Variants in CRYBG3 observed in about 807,000 individuals in gnomAD.
The protein encoded by CRYBG3 is very large A-kinase anchor protein.
CRYBG3 carries 127 observed loss-of-function variants against 244.2 expected under a neutral mutation model. That is an observed-to-expected ratio of 0.52 (90% CI 0.45 to 0.60). The LOEUF (loss-of-function observed/expected upper bound fraction) is 0.60, where lower values mean the gene tolerates loss of function less well. Among genes scored for constraint, CRYBG3 ranks in the 20% least tolerant of loss-of-function variants. The pLI is 0.00. For synonymous variants in CRYBG3, 1,132 were observed against 1,195.8 expected, an observed-to-expected ratio of 0.95 and a Z score of 1.10; for missense variants, 3,325 against 3,442.5, an observed-to-expected ratio of 0.97 and a Z score of 0.85.
At chr3:97,901,181 C>T (rs559418476) in intron 15 of CRYBG3, among the ~76,000 whole-genome samples, 2 of 152,262 alleles carry the variant, frequency 1.3e-5, no homozygotes, top group African/African-American at 2.4e-5. Context: ...ACCACATGTT[C>T]AGGGTTTTAC....
chr3:97,874,387 A>G lies in CRYBG3; in HGVS notation c.3193A>G (p.Ser1065Gly). ...TATTGATAGTGTGTCATCTTCCTCTAGTTACCCTGAAGAAGTTAGCATGAT... is the reference window on the plus strand; with the variant it reads ...TATTGATAGTGTGTCATCTTCCTCTGGTTACCCTGAAGAAGTTAGCATGAT... ...GGIDSVSSSS[S>G]YPEEVSMIVN... The change falls in exon 4 of 22, where the codon AGT (serine) becomes GGT (glycine). Residue 1065 changes from serine to glycine, a missense_variant. By Grantham distance (56) the Ser-to-Gly change is moderately conservative. Around this residue, in one of 4 missense-constraint regions of CRYBG3, gnomAD observed 1,526 missense variants for 1,443.2 expected, o/e 1.06. Transcript: ENST00000389622. 6.5e-7 allele frequency: 1 copy of G among 1,533,010 alleles called. No homozygotes were observed. The highest frequency in any genetic ancestry group is 8.7e-7 in the Non-Finnish European group (1 of 1,145,928). 95.0% of individuals were successfully genotyped at this position (1,533,010 alleles called of 1,614,324 possible).
At chr3:97,919,997 T>G (rs934421247) in intron 17 of CRYBG3, among the ~76,000 whole-genome samples, 1 of 152,086 alleles carries the variant, frequency 6.6e-6, no homozygotes, top group African/African-American at 2.4e-5. Context: ...CTCAAACTCC[T>G]GGGCTCAAGG....
chr3:97,873,042 T>C lies in CRYBG3; in HGVS notation c.1848T>C (p.Asn616=), dbSNP rs1372703444. Residue 616 remains asparagine, a synonymous_variant, in exon 4 of 22, where the codon AAT becomes AAC. Transcript: ENST00000389622. ...ENAPELKFEL[N]RSHISETPLD... is the part of the protein sequence containing the mutation. ...CACCTGAGTTGAAATTTGAACTTAA[T>C]AGAAGTCACATTTCAGAAACTCCTC... 8 of 1,535,150 alleles carry C rather than the reference T, an allele frequency of 5.2e-6. No homozygotes were observed. The African/African-American group carries it at 9.6e-5, about 18-fold the overall frequency.
At chr3:97,869,856 C>G (rs1338820522) in intron 3 of CRYBG3, among the ~76,000 whole-genome samples, 1 of 152,052 alleles carries the variant, frequency 6.6e-6, no homozygotes, top group Non-Finnish European at 1.5e-5. Flanking sequence ...ATTATTTCAG[C>G]TAAAATTTAA....
Position 97,872,576 on chromosome 3 carries a change from C to T in CRYBG3, c.1382C>T (p.Ser461Leu). 2.0e-6 allele frequency: 3 copies of T among 1,535,940 alleles called. No homozygotes were observed. The highest frequency in any genetic ancestry group is 2.6e-6 in the Non-Finnish European group (3 of 1,146,834). Residue 461 changes from serine (S) to leucine (L), a missense_variant, in exon 4 of 22, where the codon TCA becomes TTA. Transcript: ENST00000389622. ...ESTNLPSPNK[S>L]IRHEHLQLPE... ...ACAAATTTGCCAAGTCCAAATAAAT[C>T]AATTAGGCATGAACATCTGCAGTTG...
At chr3:97,859,163 G>A (rs922279567) in intron 2 of CRYBG3, among the ~76,000 whole-genome samples, 5 of 152,188 alleles carry the variant, frequency 3.3e-5, no homozygotes, top group African/African-American at 1.2e-4. Flanking sequence ...GTCAGTGACA[G>A]TAGTCACCTA....
intron 1 of CRYBG3, among the ~76,000 whole-genome samples, chr3:97,839,170 G>T (rs2038777449): frequency 6.6e-6 from 1 of 152,170 alleles, no homozygotes; most frequent in African/African-American, 2.4e-5. Context: ...GGTCCCAAAG[G>T]GGGTTAAATT....
At chr3:97,894,696 T>A (rs1263677740) in intron 11 of CRYBG3, among the ~76,000 whole-genome samples, 2 of 152,184 alleles carry the variant, frequency 1.3e-5, no homozygotes, top group Non-Finnish European at 2.9e-5. Context: ...TTATACCTTT[T>A]ATTTTTTTTC....
intron 2 of CRYBG3, among the ~76,000 whole-genome samples, chr3:97,852,659 G>T (rs2108186554): frequency 6.6e-6 from 1 of 152,264 alleles, no homozygotes; most frequent in African/African-American, 2.4e-5. Context: ...ATATCTCTTT[G>T]ACATACTGAT....
chr3:97,872,150 A>G lies in CRYBG3; in HGVS notation c.956A>G (p.Asn319Ser). The change falls in exon 4 of 22, where the codon AAT becomes AGT. Residue 319 changes from asparagine (N) to serine (S), a missense_variant. Transcript: ENST00000389622. ...TSFNKENSLT[N>S]NPELQNIASS... ...TTCAACAAGGAAAATTCTTTGACAA[A>G]TAACCCAGAACTGCAGAATATTGCC... The G allele has an allele frequency of 2.6e-6, 4 of 1,536,038 alleles. No individual in the cohort carries two copies. Among genetic ancestry groups the G allele is most frequent in the East Asian group, 2.4e-5 (1 of 40,918 alleles).
At chr3:97,828,975 G>T (rs1201422479) in intron 1 of CRYBG3, among the ~76,000 whole-genome samples, 1 of 152,096 alleles carries the variant, frequency 6.6e-6, no homozygotes, top group Non-Finnish European at 1.5e-5. Flanking sequence ...AACTTATTTT[G>T]GGGGTATGGG....
chr3:97,877,419 C>G lies in CRYBG3; in HGVS notation c.6225C>G (p.Ala2075=), dbSNP rs574636778. The change falls in exon 4 of 22, where the codon GCC becomes GCG. Residue 2075 remains alanine, a synonymous_variant. Transcript: ENST00000389622. The part of the protein sequence containing the change: ...DSSEMFLSVE[A]KRYKIYPLAL... ...CAGAAATGTTCTTATCAGTGGAGGC[C>G]AAAAGGTACAAAATTTATCCTTTAG... is the stretch of plus-strand genomic sequence containing the variant. 6.2e-6 allele frequency: 10 copies of G among 1,613,988 alleles called. No homozygotes were observed. In the East Asian group the frequency reaches 2.2e-4, roughly 36 times the overall value.
chr3:97,918,329 G>A (rs765710248), intron 17 of CRYBG3, among the ~76,000 whole-genome samples: 3 of 152,186 alleles, frequency 2.0e-5, no homozygotes, highest in Non-Finnish European at 2.9e-5. Flanking sequence ...ACATTCTAGA[G>A]GGGCATTGAC....
At position 97,876,817 on chromosome 3, in the gene CRYBG3, A is replaced by T. The variant is rs1362427861; in HGVS notation, c.5623A>T (p.Thr1875Ser). ...AVVDIEKIHG[T>S]GLELTTKQGE... ...GGTAGACATTGAGAAAATACATGGA[A>T]CAGGACTAGAATTGACCACTAAACA... Residue 1875 changes from threonine (T) to serine (S), a missense_variant, in exon 4 of 22, where the codon ACA (threonine) becomes TCA (serine). Around this residue, in one of 4 missense-constraint regions of CRYBG3, gnomAD observed 635 missense variants for 771.7 expected, o/e 0.82. Transcript: ENST00000389622. 1.5e-6 allele frequency: 2 copies of T among 1,326,224 alleles called. No homozygotes were observed. Among genetic ancestry groups the T allele is most frequent in the Admixed American group, 3.6e-5 (1 of 27,634 alleles). The allele number at this position is 1,326,224 out of a possible 1,614,324, so 82.2% of individuals were successfully genotyped here.
chr3:97,837,768 C>G (rs902208886), intron 1 of CRYBG3, among the ~76,000 whole-genome samples: 3 of 152,128 alleles, frequency 2.0e-5, no homozygotes, highest in Non-Finnish European at 4.4e-5. Flanking sequence ...ATCGCTTCCT[C>G]TCTCGAAATG....
At chr3:97,909,896 T>A (rs1356441928) in intron 15 of CRYBG3, among the ~76,000 whole-genome samples, 2 of 146,816 alleles carry the variant, frequency 1.4e-5, no homozygotes. Flanking sequence ...CTTTTGGTCT[T>A]TGATGATGGT....
rs553927733 is a variant in CRYBG3, at chr3:97,921,025, A to T, written c.8241+5289A>T. 1.3e-3 allele frequency among the ~76,000 whole-genome samples: 193 copies of T among 152,184 alleles called. 1 individual carries two copies. The highest frequency in any genetic ancestry group is 3.8e-3 in the African/African-American group (157 of 41,532). On this transcript the variant is annotated intron_variant, in intron 17 of 21. Coordinates refer to ENST00000389622, the MANE Select transcript of CRYBG3 (RefSeq NM_153605.4). The stretch of plus-strand genomic sequence containing the variant: ...CCCATAAAGCCCAGACCATGACATT[A>T]GGTCCTACTTTTCCAATATTATTGC...
rs1473507680 is a variant in CRYBG3, at chr3:97,864,293, C to T, written c.293C>T (p.Ala98Val). 3 of 1,535,398 alleles carry T rather than the reference C, an allele frequency of 2.0e-6. No homozygotes were observed. The highest frequency in any genetic ancestry group is 1.2e-5 in the South Asian group (1 of 84,010). ...CCAGTGCAGGAAGATCCCAAAAAGG[C>T]ATATGATCTTTCCAGTTCCACTTCA... ...TLPVQEDPKK[A>V]YDLSSSTSDT... The change falls in exon 3 of 22, where the codon GCA (alanine) becomes GTA (valine). Residue 98 changes from alanine to valine, a missense_variant. By Grantham distance (64) the Ala-to-Val change is moderately conservative. This residue lies in a region of CRYBG3 where 1,526 missense variants were observed against 1,443.2 expected (regional missense o/e 1.06). Transcript: ENST00000389622.
chr3:97,912,713 A>G (rs1190870971), intron 16 of CRYBG3, among the ~76,000 whole-genome samples: 2 of 152,328 alleles, frequency 1.3e-5, no homozygotes, highest in Middle Eastern at 3.4e-3. Context: ...AGGTTTTCCA[A>G]GATCACATAC....
Sources: allele counts gnomAD v4.1 joint callset (sites outside exome capture counted in the v4.1 genomes callset), GRCh38; gene constraint gnomAD v4.1.1; regional missense constraint gnomAD v4.1.1; transcripts MANE v1.5; gene names NCBI Gene and HGNC (gene_info 2026-07-23, HGNC 2026-07-21).